Variants in ACOXL observed in about 807,000 individuals in gnomAD.
ACOXL encodes acyl-CoA oxidase like.
ACOXL carries 70 observed loss-of-function variants against 71.9 expected under a neutral mutation model. The ratio of observed to expected loss-of-function variants is 0.97; its 90% CI spans 0.80 to 1.19. ACOXL has a LOEUF of 1.19. Among genes scored for constraint, ACOXL ranks in the 50% most tolerant of loss-of-function variants. The pLI is 0.00. For synonymous variants in ACOXL, 253 were observed against 281.6 expected (o/e 0.90, Z 1.02); for missense variants, 703 against 736.3 (o/e 0.95, Z 0.52).
chr2:110,752,196 C>T (rs929901420), intron 1 of ACOXL, among the ~76,000 whole-genome samples: 4 of 152,068 alleles, frequency 2.6e-5, no homozygotes, highest in Admixed American at 1.3e-4. Flanking sequence ...TTAGTAGAGA[C>T]AGGGTTTCAC....
Position 110,837,961 on chromosome 2 carries a change from C to T in ACOXL, c.754-3410C>T, listed in dbSNP as rs1414229705. Among the ~76,000 whole-genome samples the T allele has an allele frequency of 3.9e-5, 6 of 152,288 alleles. No individual in the cohort carries two copies. The East Asian group carries it at 1.2e-3, about 30-fold the overall frequency. The stretch of plus-strand genomic sequence containing the variant: ...GGTCAGGGGCCAACCCACGGGCCTC[C>T]CTCCCCTCTCTCTTCTGGATCCCTG... On this transcript the variant is annotated intron_variant, in intron 9 of 17. Transcript: ENST00000439055.
At chr2:110,894,824 C>G (rs75568586) in intron 10 of ACOXL, among the ~76,000 whole-genome samples, 1,620 of 152,268 alleles carry the variant, frequency 0.011, 36 homozygotes, top group African/African-American at 0.038. Context: ...TCCTGCCCCT[C>G]CCTAGCAGTA....
chr2:110,965,399 T>C (rs963372506), intron 12 of ACOXL, among the ~76,000 whole-genome samples: 3 of 152,206 alleles, frequency 2.0e-5, no homozygotes, highest in Non-Finnish European at 4.4e-5. Context: ...TTTGTTTGTT[T>C]GTTTTTGTTT....
intron 15 of ACOXL, among the ~76,000 whole-genome samples, chr2:111,037,562 T>C (rs2149778454): frequency 6.6e-6 from 1 of 152,330 alleles, no homozygotes; most frequent in South Asian, 2.1e-4. Flanking sequence ...ATCTGTGTAA[T>C]AATCACAGCC....
At chr2:110,940,059 T>C (rs1054609652) in intron 12 of ACOXL, among the ~76,000 whole-genome samples, 2 of 152,254 alleles carry the variant, frequency 1.3e-5, no homozygotes, top group Non-Finnish European at 2.9e-5. Flanking sequence ...TACAAATCTT[T>C]ACAACCCAGT....
chr2:110,758,241 A>G (rs1004138765), intron 1 of ACOXL, among the ~76,000 whole-genome samples: 5 of 151,966 alleles, frequency 3.3e-5, no homozygotes, highest in African/African-American at 7.3e-5. Flanking sequence ...GTTCTGTTCC[A>G]TTGGTCTATG....
chr2:110,919,290 G>A (rs899976739), intron 11 of ACOXL, among the ~76,000 whole-genome samples: 18 of 151,486 alleles, frequency 1.2e-4, no homozygotes, highest in African/African-American at 4.4e-4. Context: ...ATCATTCTCA[G>A]CAAACTAACA....
At chr2:110,838,322 A>G (rs1303621767) in intron 9 of ACOXL, among the ~76,000 whole-genome samples, 1 of 151,984 alleles carries the variant, frequency 6.6e-6, no homozygotes, top group African/African-American at 2.4e-5. Flanking sequence ...TAGTGTGCAT[A>G]TGTGTGTGTG....
At chr2:110,964,176 T>A (rs980596963) in intron 12 of ACOXL, among the ~76,000 whole-genome samples, 8 of 152,204 alleles carry the variant, frequency 5.3e-5, no homozygotes, top group African/African-American at 1.9e-4. Context: ...CCTTTGCATG[T>A]TGCTGTTGAA....
chr2:110,896,660 G>T (rs1171098362), intron 10 of ACOXL, among the ~76,000 whole-genome samples: 1 of 152,102 alleles, frequency 6.6e-6, no homozygotes, highest in Non-Finnish European at 1.5e-5. Context: ...GATTAAAAGG[G>T]TCAATCCATC....
intron 12 of ACOXL, among the ~76,000 whole-genome samples, chr2:110,984,209 C>A (rs2062834394): frequency 6.6e-6 from 1 of 152,200 alleles, no homozygotes; most frequent in Non-Finnish European, 1.5e-5. Context: ...GCGCTTTTAA[C>A]TTTGCAACTT....
intron 11 of ACOXL, among the ~76,000 whole-genome samples, chr2:110,925,853 CTTT>C (rs59794309): frequency 4.1e-5 from 5 of 121,022 alleles, no homozygotes; most frequent in African/African-American, 6.1e-5. Flanking sequence ...TTACTTCTAG[CTTT>C]TTTTTTTTTT....
intron 14 of ACOXL, among the ~76,000 whole-genome samples, chr2:111,005,853 A>G (rs140527049): frequency 1.1e-4 from 16 of 152,284 alleles, no homozygotes; most frequent in African/African-American, 3.9e-4. Context: ...AGTGCCATTG[A>G]TGATGGACCC....
At chr2:111,088,791 AAAAC>A (rs1384267013) in intron 16 of ACOXL, among the ~76,000 whole-genome samples, 1 of 152,194 alleles carries the variant, frequency 6.6e-6, no homozygotes, top group Admixed American at 6.5e-5. Flanking sequence ...AGTTAAAACA[AAAAC>A]AAAAAAAAGT....
At chr2:111,015,359 G>A (rs899255420) in intron 14 of ACOXL, among the ~76,000 whole-genome samples, 1 of 152,166 alleles carries the variant, frequency 6.6e-6, no homozygotes, top group Non-Finnish European at 1.5e-5. Context: ...ATGAGCACAT[G>A]CAACTTTGCC....
At chr2:111,081,667 A>G (rs1313275448) in intron 16 of ACOXL, among the ~76,000 whole-genome samples, 2 of 152,228 alleles carry the variant, frequency 1.3e-5, no homozygotes, top group African/African-American at 4.8e-5. Context: ...ATTAGAAAAA[A>G]ACTACTTTAA....
chr2:110,838,132 C>T lies in ACOXL; in HGVS notation c.754-3239C>T, dbSNP rs530320020. ...ATATGAGTGTGCATGTGTGCACATGCGGTGGTACACGTGTGTGCATGTATG... is the reference window on the plus strand; with the variant it reads ...ATATGAGTGTGCATGTGTGCACATGTGGTGGTACACGTGTGTGCATGTATG... On this transcript the variant is annotated intron_variant, in intron 9 of 17. Coordinates refer to ENST00000439055, the MANE Select transcript of ACOXL (RefSeq NM_001142807.4). 2.2e-4 allele frequency among the ~76,000 whole-genome samples: 34 copies of T among 152,278 alleles called. No individual in the cohort carries two copies. In the South Asian group the frequency reaches 4.4e-3, roughly 19 times the overall value.
chr2:110,779,333 G>A (rs991917404), intron 2 of ACOXL, among the ~76,000 whole-genome samples: 1 of 152,226 alleles, frequency 6.6e-6, no homozygotes, highest in Non-Finnish European at 1.5e-5. Flanking sequence ...GGAGGATGTG[G>A]TCAGAGGGTT....
intron 11 of ACOXL, 110 bp from the exon 12 acceptor site, chr2:110,933,377 GAC>G (rs2060548618): frequency 6.2e-6 from 8 of 1,299,308 alleles, no homozygotes; most frequent in Non-Finnish European, 8.4e-6. Context: ...CTGCATCACT[GAC>G]ATCATATTCT....
Sources: gnomAD v4.1 joint callset for allele counts (sites outside exome capture counted in the v4.1 genomes callset) on GRCh38, gnomAD v4.1.1 for gene constraint, MANE v1.5 for transcripts, NCBI Gene and HGNC (gene_info 2026-07-23, HGNC 2026-07-21) for gene names.